DOK6: variants seen among roughly 807,000 people sequenced by gnomAD.
The protein encoded by DOK6 is downstream of tyrosine kinase 6.
Under a neutral mutation model 44.0 loss-of-function variants are expected in DOK6, and 22 were observed. That is an observed-to-expected ratio of 0.50 (90% CI 0.36 to 0.71). The LOEUF (loss-of-function observed/expected upper bound fraction) is 0.71, where lower values mean the gene tolerates loss of function less well. Ranked by LOEUF, DOK6 falls within the 30% of genes least tolerant of loss-of-function variation. DOK6 has a pLI of 0.00. For synonymous variants in DOK6, 166 were observed against 145.5 expected (o/e 1.14, Z -1.01); for missense variants, 340 against 416.4 (o/e 0.82, Z 1.60).
intron 6 of DOK6, among the ~76,000 whole-genome samples, chr18:69,742,757 A>T (rs913575375): frequency 4.6e-5 from 7 of 152,226 alleles, no homozygotes; most frequent in Non-Finnish European, 8.8e-5. Flanking sequence ...ACTGCTCAGA[A>T]CAAGATTATT....
At chr18:69,686,490 AT>A (rs1332322547) in intron 4 of DOK6, among the ~76,000 whole-genome samples, 1 of 152,104 alleles carries the variant, frequency 6.6e-6, no homozygotes, top group Non-Finnish European at 1.5e-5. Context: ...TTGAGCATGG[AT>A]TAAGACCTTA....
At chr18:69,434,368 C>G (rs1188161771) in intron 1 of DOK6, among the ~76,000 whole-genome samples, 2 of 152,154 alleles carry the variant, frequency 1.3e-5, no homozygotes, top group East Asian at 3.9e-4. Context: ...ATAATTCTTC[C>G]CCTTCAGACT....
intron 1 of DOK6, among the ~76,000 whole-genome samples, chr18:69,530,831 G>T (rs1981964382): frequency 6.6e-6 from 1 of 152,096 alleles, no homozygotes; most frequent in Non-Finnish European, 1.5e-5. Context: ...TTAACTTTCT[G>T]TCTCGTTGAT....
At chr18:69,518,760 A>T (rs563616501) in intron 1 of DOK6, among the ~76,000 whole-genome samples, 1 of 152,306 alleles carries the variant, frequency 6.6e-6, no homozygotes, top group South Asian at 2.1e-4. Context: ...TCAAAGTTAA[A>T]ATCATGCTAT....
intron 1 of DOK6, among the ~76,000 whole-genome samples, chr18:69,560,351 C>T (rs916744691): frequency 2.6e-5 from 4 of 152,232 alleles, no homozygotes; most frequent in Admixed American, 2.6e-4. Flanking sequence ...CCAAAAATTT[C>T]ATGCTATATG....
intron 1 of DOK6, among the ~76,000 whole-genome samples, chr18:69,453,833 G>T (rs1336572448): frequency 2.0e-5 from 1 of 49,498 alleles, no homozygotes. Context: ...AGTAAATGGT[G>T]CTGGGAAAAC....
At chr18:69,585,978 A>C (rs750681466) in intron 2 of DOK6, among the ~76,000 whole-genome samples, 2 of 152,206 alleles carry the variant, frequency 1.3e-5, no homozygotes, top group African/African-American at 4.8e-5. Flanking sequence ...AGCTGTTGTC[A>C]GTGTTTTTCA....
intron 1 of DOK6, among the ~76,000 whole-genome samples, chr18:69,442,552 C>T (rs1979165726): frequency 6.6e-6 from 1 of 152,134 alleles, no homozygotes; most frequent in African/African-American, 2.4e-5. Context: ...AATCACCTCC[C>T]ACGAGGCCCC....
chr18:69,636,026 T>C (rs1984799040), intron 3 of DOK6, among the ~76,000 whole-genome samples: 1 of 152,136 alleles, frequency 6.6e-6, no homozygotes, highest in East Asian at 1.9e-4. Flanking sequence ...GTCTGCGGTA[T>C]GGAAGAATGG....
Position 69,788,862 on chromosome 18 carries a change from C to T in DOK6, c.856+30989C>T, listed in dbSNP as rs1029442937. 8.5e-5 allele frequency among the ~76,000 whole-genome samples: 13 copies of T among 152,064 alleles called. 1 individual carries two copies. Among genetic ancestry groups the T allele is most frequent in the African/African-American group, 1.7e-4 (7 of 41,390 alleles). ...TGCCCTGTGTTTTCACTTTCAGCAA[C>T]GCTATCTCATGAAATAATGGAAATG... On this transcript the variant is annotated intron_variant, in intron 7 of 7. Transcript: ENST00000382713.
rs1982335473 is a variant in DOK6, at chr18:69,845,894, C to T, written c.*4511C>T. On this transcript the variant is annotated 3_prime_UTR_variant, in exon 8 of 8. Transcript: ENST00000382713. ...AAGTCCCCACAGTAAAATGTGTCTT[C>T]AGAAACATGAGAATCACTTTTATAT... The T allele has an allele frequency of 6.6e-6, 1 of 152,160 alleles. No homozygotes were observed. Among genetic ancestry groups the T allele is most frequent in the East Asian group, 1.9e-4 (1 of 5,200 alleles). The allele number at this position is 152,160 out of a possible 1,614,324, so 9.4% of individuals were successfully genotyped here. A position where few individuals can be genotyped will look rare whatever the true frequency, so the allele number is the denominator to read the frequency against.
chr18:69,728,536 A>G (rs1326171180), intron 5 of DOK6, among the ~76,000 whole-genome samples: 1 of 152,200 alleles, frequency 6.6e-6, no homozygotes, highest in Non-Finnish European at 1.5e-5. Context: ...TTGCTGTAAT[A>G]ATACTTTCCA....
chr18:69,557,870 A>G (rs1420948441), intron 1 of DOK6, among the ~76,000 whole-genome samples: 2 of 152,142 alleles, frequency 1.3e-5, no homozygotes, highest in African/African-American at 4.8e-5. Flanking sequence ...GTTGTTAACC[A>G]GCCAATGGTC....
chr18:69,761,248 ACTC>A (rs1172424977), intron 7 of DOK6, among the ~76,000 whole-genome samples: 1 of 132,694 alleles, frequency 7.5e-6, no homozygotes, highest in Non-Finnish European at 1.6e-5. Flanking sequence ...AATTATTACT[ACTC>A]CTGAAATCTT....
intron 5 of DOK6, among the ~76,000 whole-genome samples, chr18:69,715,020 C>A (rs982820202): frequency 6.6e-6 from 1 of 152,054 alleles, no homozygotes; most frequent in Admixed American, 6.6e-5. Context: ...TAGGGAAAAG[C>A]TCTAGAATGA....
At chr18:69,708,630 C>A (rs1265633763) in intron 5 of DOK6, among the ~76,000 whole-genome samples, 1 of 151,772 alleles carries the variant, frequency 6.6e-6, no homozygotes, top group Non-Finnish European at 1.5e-5. Flanking sequence ...ACTAAAAATA[C>A]AAAAAACAGC....
chr18:69,666,261 A>G (rs1259814129), intron 3 of DOK6, among the ~76,000 whole-genome samples: 1 of 152,072 alleles, frequency 6.6e-6, no homozygotes, highest in African/African-American at 2.4e-5. Context: ...GATATTTTCT[A>G]ATCCATTCAC....
chr18:69,452,192 A>G (rs1979488944), intron 1 of DOK6, among the ~76,000 whole-genome samples: 1 of 151,258 alleles, frequency 6.6e-6, no homozygotes, highest in Non-Finnish European at 1.5e-5. Flanking sequence ...AAAAAGAGAG[A>G]AGAATCAAAT....
intron 7 of DOK6, among the ~76,000 whole-genome samples, chr18:69,790,629 T>G (rs1980566516): frequency 6.6e-6 from 1 of 152,176 alleles, no homozygotes; most frequent in African/African-American, 2.4e-5. Context: ...CTATTGGGCT[T>G]TTTTCTTTTT....
Sources: allele counts gnomAD v4.1 joint callset (sites outside exome capture counted in the v4.1 genomes callset), GRCh38; gene constraint gnomAD v4.1.1; transcripts MANE v1.5; gene names NCBI Gene and HGNC (gene_info 2026-07-23, HGNC 2026-07-21).